Variants in ZNF536 observed in about 807,000 individuals in gnomAD.
ZNF536 encodes the protein zinc finger protein 536.
A neutral mutation model predicts 84.5 loss-of-function variants in ZNF536; 13 were observed. That is an observed-to-expected ratio of 0.15 (90% CI 0.10 to 0.24). ZNF536 has a LOEUF of 0.24. ZNF536 is among the 10% of genes least tolerant of loss of function. The pLI, the probability that ZNF536 is intolerant of heterozygous loss-of-function variation, is 1.00. For synonymous variants in ZNF536, 811 were observed against 742.5 expected (o/e 1.09, Z -1.50); for missense variants, 1,536 against 1,747.5 (o/e 0.88, Z 2.16).
chr19:30,238,286 A>G (rs1215652543), intron 1 of ZNF536, among the ~76,000 whole-genome samples: 1 of 152,088 alleles, frequency 6.6e-6, no homozygotes, highest in East Asian at 1.9e-4. Context: ...CTGGGAATCC[A>G]ATAACTATTG....
chr19:30,645,205 T>A (rs2049419078), intron 1 of ZNF536, among the ~76,000 whole-genome samples: 1 of 152,242 alleles, frequency 6.6e-6, no homozygotes, highest in Admixed American at 6.5e-5. Flanking sequence ...GCCCACTTTT[T>A]GATGGGGTTG....
At chr19:30,332,095 G>A (rs2047229386) in intron 2 of ZNF536, among the ~76,000 whole-genome samples, 1 of 152,142 alleles carries the variant, frequency 6.6e-6, no homozygotes, top group Admixed American at 6.5e-5. Flanking sequence ...ATGGCCACGG[G>A]CATCAAATGG....
chr19:30,600,190 G>A (rs2047636225), intron 1 of ZNF536, among the ~76,000 whole-genome samples: 1 of 152,162 alleles, frequency 6.6e-6, no homozygotes, highest in Admixed American at 6.5e-5. Flanking sequence ...CCTTCCAAGT[G>A]TAAGCGATCC....
At chr19:30,572,262 G>A (rs772725225) in intron 1 of ZNF536, among the ~76,000 whole-genome samples, 3 of 152,196 alleles carry the variant, frequency 2.0e-5, no homozygotes, top group African/African-American at 4.8e-5. Flanking sequence ...TGCGTCTCAC[G>A]GGAAGGCAGG....
At chr19:30,398,137 A>G (rs1057376946) in intron 1 of ZNF536, among the ~76,000 whole-genome samples, 4 of 152,204 alleles carry the variant, frequency 2.6e-5, no homozygotes, top group Non-Finnish European at 5.9e-5. Flanking sequence ...CAACATCACT[A>G]CAATGTACCT....
chr19:30,438,207 A>T (rs1489398886), intron 1 of ZNF536, among the ~76,000 whole-genome samples: 1 of 152,186 alleles, frequency 6.6e-6, no homozygotes, highest in East Asian at 1.9e-4. Context: ...AATAGCAAAC[A>T]TTGTACCCTA....
intron 1 of ZNF536, among the ~76,000 whole-genome samples, chr19:30,675,821 G>C (rs996260488): frequency 1.3e-5 from 2 of 152,184 alleles, no homozygotes; most frequent in African/African-American, 4.8e-5. Context: ...TGAAATGAGT[G>C]ATCAAGAGTG....
chr19:30,475,738 C>T (rs574518845), intron 2 of ZNF536, among the ~76,000 whole-genome samples: 1 of 152,146 alleles, frequency 6.6e-6, no homozygotes, highest in African/African-American at 2.4e-5. Flanking sequence ...CAACCCCACA[C>T]GAGCCCCAGA....
chr19:30,610,770 G>A (rs746060346), intron 1 of ZNF536, among the ~76,000 whole-genome samples: 7 of 152,118 alleles, frequency 4.6e-5, no homozygotes, highest in African/African-American at 9.7e-5. Flanking sequence ...GTGTGGAGGC[G>A]GGTGGGGGGG....
intron 2 of ZNF536, among the ~76,000 whole-genome samples, chr19:30,510,582 G>C (rs190069461): frequency 1.4e-4 from 21 of 152,338 alleles, no homozygotes; most frequent in African/African-American, 5.0e-4. Flanking sequence ...CTACAGAGAC[G>C]CGGGGATCGC....
rs138079504 is a variant in ZNF536, at chr19:30,313,655, C to A, written c.-120+29514C>A. Among the ~76,000 whole-genome samples the A allele has an allele frequency of 3.9e-3, 597 of 152,316 alleles. 3 individuals carry two copies. The highest frequency in any genetic ancestry group is 0.036 in the South Asian group (176 of 4,826). ...TGAAAGGACTGGGCAGGAGGGAGAG[C>A]CTCACAGCCTGCTGTCCCCACACTG... On this transcript the variant is annotated intron_variant, in intron 2 of 5. Coordinates refer to the ZNF536 transcript ENST00000585628.
rs146586827 is a variant in ZNF536 at position 30,473,495 on chromosome 19, T to C, written c.2170+27763T>C. ...TTAGGGGACCCACTTGCAATAAATC[T>C]TAGGCTTCTGTCCACCTTGCTGCCT... On this transcript the variant is annotated intron_variant, in intron 2 of 4. Coordinates refer to ENST00000355537, the MANE Select transcript of ZNF536 (RefSeq NM_014717.3). 4.6e-5 allele frequency among the ~76,000 whole-genome samples: 7 copies of C among 152,296 alleles called. No individual in the cohort carries two copies. The East Asian group carries it at 1.4e-3, about 29-fold the overall frequency.
At chr19:30,446,265 AAAAAAAAAAG>A (rs1378125075) in intron 2 of ZNF536, among the ~76,000 whole-genome samples, 1 of 150,054 alleles carries the variant, frequency 6.7e-6, no homozygotes, top group African/African-American at 2.4e-5. Context: ...AAAAAAAAAA[AAAAAAAAAAG>A]AAAGAAAGAA....
chr19:30,574,433 G>A (rs1041097534), intron 1 of ZNF536, among the ~76,000 whole-genome samples: 4 of 152,226 alleles, frequency 2.6e-5, no homozygotes, highest in African/African-American at 9.6e-5. Flanking sequence ...TTGCCTTGGG[G>A]AAGTTGGCTT....
At chr19:30,415,042 T>C (rs963040344) in intron 1 of ZNF536, among the ~76,000 whole-genome samples, 1 of 151,978 alleles carries the variant, frequency 6.6e-6, no homozygotes, top group African/African-American at 2.4e-5. Flanking sequence ...TTCCTCCTCC[T>C]CCTCCTTCTT....
At chr19:30,711,087 G>A (rs2052440151) in exon 2 of ZNF536, 1 of 151,404 alleles carries the variant, frequency 6.6e-6, no homozygotes, top group African/African-American at 2.4e-5. Context: ...CATTCCAAGG[G>A]GAAAAAATCA....
chr19:30,279,922 A>G (rs778620478), intron 1 of ZNF536, among the ~76,000 whole-genome samples: 8 of 152,124 alleles, frequency 5.3e-5, no homozygotes, highest in Non-Finnish European at 1.2e-4. Context: ...CCTGGCTCCC[A>G]ATTGCCACTC....
chr19:30,653,343 C>CGGGGA (rs2049780790), intron 1 of ZNF536, among the ~76,000 whole-genome samples: 1 of 152,004 alleles, frequency 6.6e-6, no homozygotes, highest in Non-Finnish European at 1.5e-5. Flanking sequence ...CATCTGCTTT[C>CGGGGA]GGGGAGACAA....
intron 1 of ZNF536, among the ~76,000 whole-genome samples, chr19:30,272,583 C>T (rs747560379): frequency 8.5e-5 from 13 of 152,202 alleles, no homozygotes; most frequent in Non-Finnish European, 1.6e-4. Context: ...TCCCTCTTCC[C>T]CTGAACCTCT....
Sources: gnomAD v4.1 joint callset for allele counts (sites outside exome capture counted in the v4.1 genomes callset) on GRCh38, gnomAD v4.1.1 for gene constraint, MANE v1.5 for transcripts, NCBI Gene and HGNC (gene_info 2026-07-23, HGNC 2026-07-21) for gene names.